Variants in GDA observed in about 807,000 individuals in gnomAD.
GDA encodes the protein guanine deaminase.
In GDA, 18 loss-of-function variants were observed where a neutral mutation model predicts 59.6. The observed-to-expected ratio is 0.30, with a 90% CI of 0.21 to 0.45. The LOEUF (loss-of-function observed/expected upper bound fraction) is 0.45. GDA is among the 20% of genes least tolerant of loss of function. The pLI is 1.00. For synonymous variants in GDA, 201 were observed against 201.1 expected (o/e 1.00, Z 0.00); for missense variants, 427 against 552.3 (o/e 0.77, Z 2.27).
intron 4 of GDA, 30 bp from the exon 5 acceptor site, chr9:72,213,856 C>T (rs759071833): frequency 1.7e-6 from 2 of 1,186,868 alleles, no homozygotes; most frequent in South Asian, 2.5e-5. Flanking sequence ...ACAAACATGC[C>T]TTCATATTCT....
intron 5 of GDA, among the ~76,000 whole-genome samples, chr9:72,217,212 C>T (rs1386425771): frequency 6.6e-6 from 1 of 152,204 alleles, no homozygotes; most frequent in East Asian, 1.9e-4. Context: ...TTCTAGTTCA[C>T]ATCCACTTTA....
intron 1 of GDA, among the ~76,000 whole-genome samples, chr9:72,153,005 A>G (rs1186115385): frequency 1.3e-5 from 2 of 152,200 alleles, no homozygotes; most frequent in Non-Finnish European, 2.9e-5. Flanking sequence ...AGCTTTCTAC[A>G]TATGGCTAGC....
At chr9:72,230,501 AAT>A (rs58535811) in intron 9 of GDA, among the ~76,000 whole-genome samples, 2,580 of 143,926 alleles carry the variant, frequency 0.018, 45 homozygotes, top group Middle Eastern at 0.1. Context: ...AAAAAAAAAA[AAT>A]ATATATATAT....
intron 1 of GDA, among the ~76,000 whole-genome samples, chr9:72,124,063 A>C (rs79265852): frequency 0.024 from 3,647 of 152,286 alleles, 140 homozygotes; most frequent in African/African-American, 0.083. Flanking sequence ...AGAGGAAAAC[A>C]AGGACCAAGA....
intron 1 of GDA, among the ~76,000 whole-genome samples, chr9:72,156,178 A>G (rs553545165): frequency 6.6e-6 from 1 of 152,340 alleles, no homozygotes; most frequent in Admixed American, 6.5e-5. Context: ...GTGGGGCACA[A>G]GTTGACCAGT....
At position 72,249,817 on chromosome 9, in the gene GDA, T is replaced by C; in HGVS notation, c.*1475T>C. ...TAGTAGAAACTTTATGTAATATAGC[T>C]AACTCCGTATTTACAGAACAAAAAA... On this transcript the variant is annotated 3_prime_UTR_variant, in exon 14 of 14. Coordinates refer to ENST00000358399, the MANE Select transcript of GDA (RefSeq NM_004293.5). The C allele has an allele frequency of 1.1e-6, 1 of 898,790 alleles. No individual in the cohort carries two copies. Among genetic ancestry groups the C allele is most frequent in the Non-Finnish European group, 1.3e-6 (1 of 751,002 alleles). The allele number at this position is 898,790 out of a possible 1,614,324, so 55.7% of individuals were successfully genotyped here. A position where few individuals can be genotyped will look rare whatever the true frequency, so the allele number is the denominator to read the frequency against.
chr9:72,219,030 G>A (rs1836506013), intron 5 of GDA, among the ~76,000 whole-genome samples: 1 of 152,102 alleles, frequency 6.6e-6, no homozygotes, highest in Non-Finnish European at 1.5e-5. Context: ...TAGTGGTGGT[G>A]GAACATGTGC....
intron 1 of GDA, among the ~76,000 whole-genome samples, chr9:72,151,681 C>A (rs1212103656): frequency 1.3e-5 from 2 of 150,968 alleles, no homozygotes; most frequent in Admixed American, 1.3e-4. Context: ...GATCTTGGCT[C>A]ACTGCAAGCT....
chr9:72,188,944 T>C (rs182287225), intron 1 of GDA, among the ~76,000 whole-genome samples: 1 of 82,194 alleles, frequency 1.2e-5, no homozygotes, highest in African/African-American at 3.8e-5. Context: ...GCTTAAAGTG[T>C]TTTTTCCCAT....
intron 1 of GDA, among the ~76,000 whole-genome samples, chr9:72,137,250 T>C (rs867442300): frequency 3.3e-3 from 436 of 131,090 alleles, no homozygotes; most frequent in African/African-American, 0.012. Flanking sequence ...TTCTTTTTTT[T>C]TTTTTTTTTT....
intron 1 of GDA, among the ~76,000 whole-genome samples, chr9:72,174,759 TATAGAGAG>T (rs1396943886): frequency 2.7e-5 from 4 of 149,286 alleles, no homozygotes; most frequent in Non-Finnish European, 5.9e-5. Context: ...TATATATATA[TATAGAGAG>T]AGAGAGAGAG....
At chr9:72,233,670 A>T (rs116837222) in intron 10 of GDA, among the ~76,000 whole-genome samples, 2,536 of 152,268 alleles carry the variant, frequency 0.017, 63 homozygotes, top group African/African-American at 0.057. Context: ...GCCCAGGTGC[A>T]GTGGCTCATA....
intron 1 of GDA, among the ~76,000 whole-genome samples, chr9:72,130,840 T>A (rs1223959454): frequency 2.0e-5 from 3 of 152,090 alleles, no homozygotes; most frequent in Non-Finnish European, 4.4e-5. Context: ...CAGATAAGAG[T>A]CCCTGGACAA....
At chr9:72,195,127 T>A (rs1161527595) in intron 1 of GDA, among the ~76,000 whole-genome samples, 1 of 152,194 alleles carries the variant, frequency 6.6e-6, no homozygotes, top group Non-Finnish European at 1.5e-5. Context: ...CTTATGAAGG[T>A]GCTTTTTAAT....
At chr9:72,225,577 T>C in intron 7 of GDA, 100 bp from the exon 8 acceptor site, 1 of 646,402 alleles carries the variant, frequency 1.5e-6, no homozygotes, top group Non-Finnish European at 2.8e-6. Context: ...GTCCCTTAAA[T>C]AGGCAAGTAG....
chr9:72,237,964 G>T (rs939263147), intron 10 of GDA, among the ~76,000 whole-genome samples: 1 of 151,924 alleles, frequency 6.6e-6, no homozygotes, highest in African/African-American at 2.4e-5. Context: ...TACCATCCTA[G>T]GCCCTTCCAG....
intron 1 of GDA, among the ~76,000 whole-genome samples, chr9:72,179,564 GTTTCTGCAGTGT>G (rs1378707185): frequency 6.6e-6 from 1 of 152,180 alleles, no homozygotes; most frequent in East Asian, 1.9e-4. Flanking sequence ...GAAAAAGGGA[GTTTCTGCAGTGT>G]TTTCCTGTCG....
chr9:72,140,646 T>C (rs1245848762), intron 1 of GDA, among the ~76,000 whole-genome samples: 1 of 152,196 alleles, frequency 6.6e-6, no homozygotes, highest in Non-Finnish European at 1.5e-5. Flanking sequence ...TGTCATATTA[T>C]GTGTTCCGGG....
At position 72,149,666 on chromosome 9, in the gene GDA, T is replaced by G; in HGVS notation, c.107T>G (p.Val36Gly). The change falls in exon 1 of 14, where the codon GTG (valine) becomes GGG (glycine). Residue 36 changes from valine to glycine, a missense_variant. Physicochemically the swap from Val to Gly is moderately radical, Grantham distance 109. Transcript: ENST00000358399. ...GTGCTGCGGGATCACCTCCTCGGCG[T>G]GAGCGACAGCGGCAAAGTAAGCAGG... The part of the protein sequence containing the change: ...MEVLRDHLLG[V>G]SDSGKIVFLE... 1.2e-6 allele frequency: 2 copies of G among 1,601,480 alleles called. No homozygotes were observed. Among genetic ancestry groups the G allele is most frequent in the Non-Finnish European group, 8.5e-7 (1 of 1,175,028 alleles).
Sources: allele counts gnomAD v4.1 joint callset (sites outside exome capture counted in the v4.1 genomes callset), GRCh38; gene constraint gnomAD v4.1.1; transcripts MANE v1.5; gene names NCBI Gene and HGNC (gene_info 2026-07-23, HGNC 2026-07-21).